The following RALGPS2 variants were observed in gnomAD, a reference collection of about 807,000 sequenced individuals.
RALGPS2 encodes the protein ras-specific guanine nucleotide-releasing factor RalGPS2.
In RALGPS2, 43 loss-of-function variants were observed where a neutral mutation model predicts 86.8. The observed-to-expected ratio is 0.50, with a 90% CI of 0.39 to 0.64. The LOEUF (loss-of-function observed/expected upper bound fraction) is 0.64, where lower values mean the gene tolerates loss of function less well. Ranked by LOEUF, RALGPS2 falls within the 30% of genes least tolerant of loss-of-function variation. The pLI, the probability that RALGPS2 is intolerant of heterozygous loss-of-function variation, is 0.00. For synonymous variants in RALGPS2, 243 were observed against 231.3 expected (o/e 1.05, Z -0.46); for missense variants, 536 against 694.6 (o/e 0.77, Z 2.57).
At chr1:178,762,124 T>G (rs1263840075) in intron 1 of RALGPS2, among the ~76,000 whole-genome samples, 1 of 152,158 alleles carries the variant, frequency 6.6e-6, no homozygotes, top group Non-Finnish European at 1.5e-5. Context: ...TGTTTTCTGT[T>G]CCTGTGTTCG....
intron 1 of RALGPS2, among the ~76,000 whole-genome samples, chr1:178,758,896 T>C (rs531754474): frequency 1.1e-4 from 16 of 152,338 alleles, no homozygotes; most frequent in African/African-American, 3.4e-4. Context: ...TCAGATCTTT[T>C]GCCCATTTAA....
intron 7 of RALGPS2, among the ~76,000 whole-genome samples, chr1:178,826,373 AG>A (rs1259287898): frequency 6.6e-6 from 1 of 152,234 alleles, no homozygotes; most frequent in African/African-American, 2.4e-5. Context: ...TCTCTTTAAA[AG>A]CAATGAAATC....
chr1:178,731,272 G>GTTTTTTTTTTTTTTTTTTTTTT (rs57628726), intron 1 of RALGPS2, among the ~76,000 whole-genome samples: 1 of 57,946 alleles, frequency 1.7e-5, no homozygotes, highest in Admixed American at 3.0e-4. Context: ...AGTTGTTTTG[G>GTTTTTTTTTTTTTTTTTTTTTT]TTTTTTTTTT....
intron 6 of RALGPS2, among the ~76,000 whole-genome samples, chr1:178,815,168 C>T (rs1250562796): frequency 1.3e-5 from 2 of 152,154 alleles, no homozygotes; most frequent in Admixed American, 6.5e-5. Context: ...GCACCCTCCA[C>T]CTCCTGGGTT....
intron 8 of RALGPS2, among the ~76,000 whole-genome samples, chr1:178,847,748 T>C (rs377670554): frequency 5.3e-5 from 8 of 152,146 alleles, no homozygotes; most frequent in African/African-American, 1.9e-4. Flanking sequence ...TCCTAAGAAA[T>C]ATAATGCTAA....
intron 8 of RALGPS2, among the ~76,000 whole-genome samples, chr1:178,861,641 A>G (rs1046962286): frequency 8.5e-5 from 13 of 152,200 alleles, no homozygotes; most frequent in Non-Finnish European, 1.9e-4. Flanking sequence ...TTGTCTTCAT[A>G]CTTACATAAT....
chr1:178,786,970 T>C (rs529732435), intron 4 of RALGPS2, among the ~76,000 whole-genome samples: 6 of 152,142 alleles, frequency 3.9e-5, no homozygotes, highest in Admixed American at 2.0e-4. Flanking sequence ...TTCCCATCAT[T>C]TCCACAATTC....
chr1:178,903,277 G>T (rs1558179718), intron 18 of RALGPS2, among the ~76,000 whole-genome samples: 1 of 152,098 alleles, frequency 6.6e-6, no homozygotes, highest in Non-Finnish European at 1.5e-5. Flanking sequence ...TATGTTGGAG[G>T]CAGGAAAAAA....
intron 8 of RALGPS2, among the ~76,000 whole-genome samples, chr1:178,844,492 T>C (rs980794310): frequency 6.6e-6 from 1 of 152,156 alleles, no homozygotes; most frequent in African/African-American, 2.4e-5. Context: ...CAACTCATCA[T>C]CCCTTGAAAA....
At chr1:178,818,319 C>T (rs1246350529) in intron 6 of RALGPS2, among the ~76,000 whole-genome samples, 2 of 152,166 alleles carry the variant, frequency 1.3e-5, no homozygotes, top group Non-Finnish European at 1.5e-5. Flanking sequence ...GAGATCATGC[C>T]AGTGCACTCC....
At chr1:178,770,067 A>T (rs1028855016) in intron 1 of RALGPS2, among the ~76,000 whole-genome samples, 1 of 140,130 alleles carries the variant, frequency 7.1e-6, no homozygotes, top group Non-Finnish European at 1.5e-5. Flanking sequence ...CCTAGGCTGG[A>T]GTGCTGTGGC....
At chr1:178,833,373 A>G in intron 7 of RALGPS2, 51 bp from the exon 8 acceptor site, 1 of 1,430,334 alleles carries the variant, frequency 7.0e-7, no homozygotes, top group South Asian at 1.6e-5. Context: ...GGTCTTTGCT[A>G]CAATAAAATG....
chr1:178,853,913 T>C, intron 8 of RALGPS2: 1 of 560,226 alleles, frequency 1.8e-6, no homozygotes, highest in Non-Finnish European at 2.8e-6. Flanking sequence ...ATATATACAA[T>C]ATTATAAAAT....
intron 4 of RALGPS2, among the ~76,000 whole-genome samples, chr1:178,807,836 A>G (rs547362572): frequency 2.5e-4 from 38 of 152,278 alleles, no homozygotes; most frequent in East Asian, 5.8e-4. Context: ...AAATTTGCCT[A>G]TGTTTTCATA....
chr1:178,762,572 A>G (rs1652298477), intron 1 of RALGPS2, among the ~76,000 whole-genome samples: 1 of 152,058 alleles, frequency 6.6e-6, no homozygotes, highest in Non-Finnish European at 1.5e-5. Context: ...ATGGTATCTC[A>G]TTATGGTTTT....
intron 7 of RALGPS2, among the ~76,000 whole-genome samples, chr1:178,827,675 G>A (rs1238179296): frequency 1.4e-4 from 22 of 152,192 alleles, no homozygotes; most frequent in South Asian, 1.0e-3. Context: ...GATTACAGGC[G>A]TGAGCCACCG....
chr1:178,824,061 A>G (rs1655632492), intron 7 of RALGPS2, among the ~76,000 whole-genome samples: 1 of 152,192 alleles, frequency 6.6e-6, no homozygotes, highest in South Asian at 2.1e-4. Flanking sequence ...AGGTAAAGAA[A>G]ATGTTTCAAT....
intron 8 of RALGPS2, chr1:178,853,305 A>C: frequency 1.3e-6 from 1 of 786,848 alleles, no homozygotes; most frequent in Non-Finnish European, 1.5e-6. Flanking sequence ...TATTCATCTA[A>C]AGAGCCCAAC....
intron 8 of RALGPS2, among the ~76,000 whole-genome samples, chr1:178,854,614 A>G (rs1005606221): frequency 3.3e-5 from 5 of 152,102 alleles, no homozygotes; most frequent in East Asian, 1.9e-4. Context: ...CATTTAACCT[A>G]CAGTTACCTG....
Sources: allele counts gnomAD v4.1 joint callset (sites outside exome capture counted in the v4.1 genomes callset), GRCh38; gene constraint gnomAD v4.1.1; transcripts MANE v1.5; gene names NCBI Gene and HGNC (gene_info 2026-07-23, HGNC 2026-07-21).